The following STK32B variants were observed in gnomAD, a reference collection of about 807,000 sequenced individuals.
STK32B encodes the protein serine/threonine-protein kinase 32B.
Under a neutral mutation model 52.6 loss-of-function variants are expected in STK32B, and 43 were observed. The ratio of observed to expected loss-of-function variants is 0.82; its 90% CI spans 0.64 to 1.05. The LOEUF (loss-of-function observed/expected upper bound fraction) is 1.05, where lower values mean the gene tolerates loss of function less well. Among genes scored for constraint, STK32B ranks in the 50% least tolerant of loss-of-function variants. The pLI is 0.00. For synonymous variants in STK32B, 238 were observed against 204.3 expected, an observed-to-expected ratio of 1.17 and a Z score of -1.41; for missense variants, 621 against 534.6, an observed-to-expected ratio of 1.16 and a Z score of -1.59.
At chr4:5,019,389 G>A in the STK32B span, 3 of 1,497,764 alleles carry the variant, frequency 2.0e-6, no homozygotes, top group Non-Finnish European at 2.7e-6. Context: ...TGGGCCGCGC[G>A]GCGGGGGCTC....
chr4:5,167,685 G>A (rs1380988545), intron 2 of STK32B, among the ~76,000 whole-genome samples: 3 of 152,232 alleles, frequency 2.0e-5, no homozygotes, highest in South Asian at 4.1e-4. Flanking sequence ...CTCATCCCAG[G>A]TGACGGGCAA....
At chr4:5,390,581 A>C (rs1338515680) in intron 4 of STK32B, among the ~76,000 whole-genome samples, 1 of 152,100 alleles carries the variant, frequency 6.6e-6, no homozygotes, top group Non-Finnish European at 1.5e-5. Flanking sequence ...CTCTGTCTTC[A>C]GGTGGCCTTC....
At chr4:5,055,293 C>G (rs1289237036) in intron 1 of STK32B, among the ~76,000 whole-genome samples, 2 of 147,880 alleles carry the variant, frequency 1.4e-5, no homozygotes, top group Admixed American at 6.8e-5. Context: ...GAGTCAAGGT[C>G]TCACTCTGTT....
chr4:5,215,556 A>C (rs1177983137), intron 3 of STK32B, among the ~76,000 whole-genome samples: 2 of 152,304 alleles, frequency 1.3e-5, no homozygotes, highest in East Asian at 3.9e-4. Flanking sequence ...TTGTTCTGTC[A>C]AATGGCTTCC....
intron 3 of STK32B, among the ~76,000 whole-genome samples, chr4:5,186,972 CAG>C (rs1491219754): frequency 3.9e-5 from 6 of 152,332 alleles, no homozygotes; most frequent in African/African-American, 1.4e-4. Context: ...CTCCGACACT[CAG>C]GGGGCCTGTG....
At chr4:5,267,589 C>T (rs1727137448) in intron 3 of STK32B, among the ~76,000 whole-genome samples, 2 of 152,168 alleles carry the variant, frequency 1.3e-5, no homozygotes, top group South Asian at 4.1e-4. Flanking sequence ...CAGGGTCGCG[C>T]AGCAAGTCTG....
intron 3 of STK32B, among the ~76,000 whole-genome samples, chr4:5,288,586 A>G (rs1374966723): frequency 6.6e-6 from 1 of 151,868 alleles, no homozygotes; most frequent in Non-Finnish European, 1.5e-5. Flanking sequence ...AAATTGGTTT[A>G]TTTGTCTTTT....
intron 3 of STK32B, 89 bp downstream of exon 3, chr4:5,168,539 T>TGTAAAGGGA (rs1414930655): frequency 3.5e-6 from 5 of 1,422,204 alleles, no homozygotes; most frequent in Non-Finnish European, 3.7e-6. Context: ...TCTTCCGCAT[T>TGTAAAGGGA]GTAAAGGGAA....
At chr4:5,290,034 C>T (rs909133218) in intron 3 of STK32B, among the ~76,000 whole-genome samples, 1 of 151,950 alleles carries the variant, frequency 6.6e-6, no homozygotes, top group African/African-American at 2.4e-5. Context: ...TCAAGTAACC[C>T]CCCGTGTCTG....
At chr4:5,247,472 A>G (rs1372907655) in intron 3 of STK32B, among the ~76,000 whole-genome samples, 6 of 152,006 alleles carry the variant, frequency 3.9e-5, no homozygotes, top group Non-Finnish European at 7.4e-5. Flanking sequence ...GCCGTCTGTC[A>G]TCCCTTTCTT....
intron 4 of STK32B, among the ~76,000 whole-genome samples, chr4:5,367,769 G>A (rs562335609): frequency 6.6e-6 from 1 of 152,310 alleles, no homozygotes; most frequent in African/African-American, 2.4e-5. Context: ...CATGGCAAAT[G>A]TCTTTTCTCT....
At chr4:5,291,183 C>A (rs1016988159) in intron 3 of STK32B, among the ~76,000 whole-genome samples, 2 of 152,002 alleles carry the variant, frequency 1.3e-5, no homozygotes, top group Non-Finnish European at 2.9e-5. Flanking sequence ...AATTTTAATA[C>A]CAGCCAGCAA....
chr4:5,122,712 C>T (rs1181486231), intron 1 of STK32B, among the ~76,000 whole-genome samples: 1 of 152,184 alleles, frequency 6.6e-6, no homozygotes, highest in Non-Finnish European at 1.5e-5. Context: ...TGTTCCTTTG[C>T]CAACGCTTGG....
At chr4:5,170,214 G>A (rs1161119406) in intron 3 of STK32B, among the ~76,000 whole-genome samples, 2 of 152,138 alleles carry the variant, frequency 1.3e-5, no homozygotes, top group Non-Finnish European at 2.9e-5. Flanking sequence ...GGTGGACTAA[G>A]AAGATCAGAT....
chr4:5,237,092 G>A (rs1560247527), intron 3 of STK32B, among the ~76,000 whole-genome samples: 2 of 152,148 alleles, frequency 1.3e-5, no homozygotes. Context: ...AGATTATCTG[G>A]AGCCTCAAGG....
intron 11 of STK32B, among the ~76,000 whole-genome samples, chr4:5,483,503 A>C (rs1718894437): frequency 6.6e-6 from 1 of 151,958 alleles, no homozygotes; most frequent in African/African-American, 2.4e-5. Context: ...TCTTGCTAGC[A>C]GTCTATCAAT....
chr4:5,337,762 G>A (rs528246083), intron 4 of STK32B, among the ~76,000 whole-genome samples: 5 of 151,926 alleles, frequency 3.3e-5, no homozygotes, highest in African/African-American at 9.7e-5. Context: ...GAAGGAAAAC[G>A]TTGTACAGGA....
At chr4:5,052,393 C>G (rs901685655) in intron 1 of STK32B, among the ~76,000 whole-genome samples, 1 of 152,150 alleles carries the variant, frequency 6.6e-6, no homozygotes, top group Admixed American at 6.5e-5. Context: ...TGCAGCTCTC[C>G]TCAATCACCC....
intron 1 of STK32B, 110 bp downstream of exon 1, chr4:5,052,025 C>G: frequency 6.8e-7 from 1 of 1,473,908 alleles, no homozygotes; most frequent in African/African-American, 1.4e-5. Context: ...GGGACCCAGG[C>G]ATGGCCACTT....
Sources: allele counts gnomAD v4.1 joint callset (sites outside exome capture counted in the v4.1 genomes callset), GRCh38; gene constraint gnomAD v4.1.1; transcripts MANE v1.5; gene names NCBI Gene and HGNC (gene_info 2026-07-23, HGNC 2026-07-21).